Variants in TBC1D2B observed in about 807,000 individuals in gnomAD.
TBC1D2B encodes TBC1 domain family, member 2B.
TBC1D2B carries 64 observed loss-of-function variants against 100.8 expected under a neutral mutation model. That is an observed-to-expected ratio of 0.64 (90% CI 0.52 to 0.78). TBC1D2B has a LOEUF of 0.78. Ranked by LOEUF, TBC1D2B falls within the 30% of genes least tolerant of loss-of-function variation. TBC1D2B has a pLI of 0.00. For missense variants in TBC1D2B, 1,052 were observed against 1,218.4 expected, an observed-to-expected ratio of 0.86 and a Z score of 2.03; for synonymous variants, 480 against 479.7, an observed-to-expected ratio of 1.00 and a Z score of -0.01.
chr15:78,028,656 CT>C (rs2141710171), intron 4 of TBC1D2B, among the ~76,000 whole-genome samples: 1 of 152,350 alleles, frequency 6.6e-6, no homozygotes, highest in Non-Finnish European at 1.5e-5. Context: ...CACGCAGCAT[CT>C]CCCCACCAAA....
chr15:78,038,510 C>T (rs1244119343), intron 3 of TBC1D2B, among the ~76,000 whole-genome samples: 2 of 152,192 alleles, frequency 1.3e-5, no homozygotes, highest in Admixed American at 6.5e-5. Flanking sequence ...TCAGACCCCA[C>T]GGGACCCTGA....
At chr15:78,062,428 T>C (rs764356934) in intron 1 of TBC1D2B, among the ~76,000 whole-genome samples, 2 of 152,226 alleles carry the variant, frequency 1.3e-5, no homozygotes, top group Admixed American at 6.5e-5. Flanking sequence ...GGAAGTCCTG[T>C]TTGTCTGGTG....
Position 78,044,911 on chromosome 15 carries a change from G to GC in TBC1D2B, c.671dup (p.Asn225GlnfsTer2). On this transcript the variant is annotated frameshift_variant, in exon 3 of 13. Coordinates refer to ENST00000300584, the MANE Select transcript of TBC1D2B (RefSeq NM_144572.2). LOFTEE classifies it high-confidence loss of function. ...TTCTAAAGACTCACTTGAGCTCATT[G>GC]CCCCACTGTTTCAAAGAGTAAAAAT... The GC allele has an allele frequency of 6.2e-7, 1 of 1,610,872 alleles. No individual in the cohort carries two copies. The highest frequency in any genetic ancestry group is 1.1e-5 in the South Asian group (1 of 90,666).
chr15:78,066,020 A>G, intron 1 of TBC1D2B: 1 of 471,064 alleles, frequency 2.1e-6, no homozygotes, highest in Non-Finnish European at 4.4e-6. Flanking sequence ...ATCTGAAAGT[A>G]CTTACCAGCT....
At chr15:78,000,116 C>A (rs949628391) in intron 12 of TBC1D2B, among the ~76,000 whole-genome samples, 1 of 152,334 alleles carries the variant, frequency 6.6e-6, no homozygotes, top group African/African-American at 2.4e-5. Flanking sequence ...TTGATAACAG[C>A]GGGGAGCCTG....
At chr15:78,014,544 G>A (rs765390446) in intron 8 of TBC1D2B, among the ~76,000 whole-genome samples, 14 of 152,202 alleles carry the variant, frequency 9.2e-5, no homozygotes, top group Non-Finnish European at 1.8e-4. Flanking sequence ...TGTCCTCCAT[G>A]AGGGGAAGGA....
Position 78,024,456 on chromosome 15 carries a change from G to C in TBC1D2B, c.1170C>G (p.Val390=). ...YFTSSRLCEG[V]PKDTLELLHQ... ...GCAGAAGCTCGAGCGTGTCCTTTGGGACCCCCTCACAGAGCCGGCTGCTTG... is the reference window on the plus strand; with the variant it reads ...GCAGAAGCTCGAGCGTGTCCTTTGGCACCCCCTCACAGAGCCGGCTGCTTG... Residue 390 remains valine (V), a synonymous_variant, in exon 6 of 13, where the codon GTC becomes GTG. Transcript: ENST00000300584. The C allele has an allele frequency of 1.2e-6, 2 of 1,614,002 alleles. No homozygotes were observed. Among genetic ancestry groups the C allele is most frequent in the South Asian group, 2.2e-5 (2 of 91,078 alleles).
chr15:78,074,159 G>T lies in TBC1D2B; in HGVS notation c.360+3134C>A, dbSNP rs1468908714. 2.0e-5 allele frequency among the ~76,000 whole-genome samples: 3 copies of T among 151,742 alleles called. No individual in the cohort carries two copies. The East Asian group carries it at 5.9e-4, about 30-fold the overall frequency. On this transcript the variant is annotated intron_variant, in intron 1 of 12. Coordinates refer to ENST00000300584, the MANE Select transcript of TBC1D2B (RefSeq NM_144572.2). ...CTGCCTCAGCCTCGCGAGCAGCTGG[G>T]ACTACAGCGTGCGCCACCATGCCCA...
chr15:78,062,868 T>C (rs2073576584), intron 1 of TBC1D2B, among the ~76,000 whole-genome samples: 1 of 152,176 alleles, frequency 6.6e-6, no homozygotes, highest in African/African-American at 2.4e-5. Flanking sequence ...AACAGTATCA[T>C]CTGCTTGCCC....
rs770034394 is a variant in TBC1D2B at position 78,054,100 on chromosome 15, A to G, written c.448T>C (p.Trp150Arg). The change falls in exon 2 of 13, where the codon TGG (tryptophan) becomes CGG (arginine). Residue 150 changes from tryptophan (W) to arginine (R), a missense_variant. Physicochemically the swap from Trp to Arg is moderately radical, Grantham distance 101 (BLOSUM62 -3). Transcript: ENST00000300584. The part of the protein sequence containing the change: ...EYCNSLDMVK[W>R]DSRTSPTPGD... ...GGAGTTGGAGAGGTCCTGCTGTCCC[A>G]CTTGACCATGTCAAGACTGTTACAA... is the stretch of plus-strand genomic sequence containing the variant. The G allele has an allele frequency of 6.2e-7, 1 of 1,613,884 alleles. No individual in the cohort carries two copies. The highest frequency in any genetic ancestry group is 8.5e-7 in the Non-Finnish European group (1 of 1,179,836).
At chr15:78,049,785 C>T (rs1458655990) in intron 2 of TBC1D2B, among the ~76,000 whole-genome samples, 1 of 152,124 alleles carries the variant, frequency 6.6e-6, no homozygotes, top group East Asian at 1.9e-4. Context: ...TCTAACCCCA[C>T]TCAGCATCTC....
chr15:78,011,231 G>C (rs1310179459), intron 9 of TBC1D2B, among the ~76,000 whole-genome samples: 2 of 151,978 alleles, frequency 1.3e-5, no homozygotes, highest in African/African-American at 4.8e-5. Context: ...AAAACCATTT[G>C]GTTTCAGGTC....
chr15:78,058,898 G>A (rs763725574), intron 1 of TBC1D2B, among the ~76,000 whole-genome samples: 1 of 152,190 alleles, frequency 6.6e-6, no homozygotes, highest in Non-Finnish European at 1.5e-5. Context: ...TGTGCTGTCT[G>A]ATGCCTTACC....
chr15:78,077,544 G>A lies in TBC1D2B; in HGVS notation c.109C>T (p.Leu37=). The part of the protein sequence containing the change: ...GAGPAREPAR[L]CGYLQKLSGK... ...GACAGCTTCTGCAGATAGCCACACA[G>A]CCGCGCTGGCTCCCGCGCCGGACCC... The change falls in exon 1 of 13, where the codon CTG becomes TTG. Residue 37 remains leucine, a synonymous_variant. Coordinates refer to ENST00000300584, the MANE Select transcript of TBC1D2B (RefSeq NM_144572.2). 1 of 1,479,076 alleles carries A rather than the reference G, an allele frequency of 6.8e-7. No individual in the cohort carries two copies. Among genetic ancestry groups the A allele is most frequent in the South Asian group, 1.3e-5 (1 of 77,632 alleles). 91.6% of individuals were successfully genotyped at this position (1,479,076 alleles called of 1,614,324 possible).
chr15:78,018,301 G>C (rs1346411312), intron 6 of TBC1D2B, among the ~76,000 whole-genome samples: 1 of 151,872 alleles, frequency 6.6e-6, no homozygotes, highest in Non-Finnish European at 1.5e-5. Context: ...CATTGAGGTG[G>C]TTAAAAAAAA....
intron 3 of TBC1D2B, among the ~76,000 whole-genome samples, chr15:78,039,034 G>A (rs2073013576): frequency 1.3e-5 from 2 of 152,096 alleles, no homozygotes; most frequent in African/African-American, 2.4e-5. Context: ...CCAACTTCCT[G>A]CAACTGCTGA....
At position 78,003,289 on chromosome 15, in the gene TBC1D2B, A is replaced by G; in HGVS notation, c.2574+16T>C. 6.2e-7 allele frequency: 1 copy of G among 1,610,316 alleles called. No individual in the cohort carries two copies. The highest frequency in any genetic ancestry group is 8.5e-7 in the Non-Finnish European group (1 of 1,176,934). ...AAGTGTGTATATCTGAAAATAGCTG[A>G]GCTGAGCTAACTCACCTTTGGTCCT... On this transcript the variant is annotated intron_variant, in intron 11 of 12. Coordinates refer to ENST00000300584, the MANE Select transcript of TBC1D2B (RefSeq NM_144572.2).
At chr15:77,999,690 G>A (rs1023429392) in intron 12 of TBC1D2B, among the ~76,000 whole-genome samples, 6 of 152,064 alleles carry the variant, frequency 3.9e-5, no homozygotes, top group Admixed American at 2.0e-4. Context: ...CCAAACCTAC[G>A]GCGCCCAACC....
At chr15:78,059,465 G>T (rs188456884) in intron 1 of TBC1D2B, among the ~76,000 whole-genome samples, 71 of 152,304 alleles carry the variant, frequency 4.7e-4, no homozygotes, top group African/African-American at 1.5e-3. Flanking sequence ...CTGCATGAAC[G>T]TCCTGGGTGA....
Sources: gnomAD v4.1 joint callset for allele counts (sites outside exome capture counted in the v4.1 genomes callset) on GRCh38, gnomAD v4.1.1 for gene constraint, MANE v1.5 for transcripts, NCBI Gene and HGNC (gene_info 2026-07-23, HGNC 2026-07-21) for gene names.